The following EEA1 variants were observed in gnomAD, a reference collection of about 807,000 sequenced individuals.
EEA1 encodes the protein early endosome antigen 1, 162kD.
A neutral mutation model predicts 209.2 loss-of-function variants in EEA1; 111 were observed. That is an observed-to-expected ratio of 0.53 (90% CI 0.45 to 0.62). The LOEUF (loss-of-function observed/expected upper bound fraction) is 0.62. Ranked by LOEUF, EEA1 falls within the 20% of genes least tolerant of loss-of-function variation. The pLI is 0.00. For missense variants in EEA1, 1,343 were observed against 1,530.8 expected (o/e 0.88, Z 2.05); for synonymous variants, 536 against 540.6 (o/e 0.99, Z 0.12).
intron 13 of EEA1, among the ~76,000 whole-genome samples, chr12:92,823,353 C>T (rs1216661675): frequency 6.6e-6 from 1 of 152,192 alleles, no homozygotes; most frequent in Non-Finnish European, 1.5e-5. Flanking sequence ...CTAACTTACA[C>T]TTTAAGGTCC....
intron 18 of EEA1, among the ~76,000 whole-genome samples, chr12:92,803,825 T>C (rs946734283): frequency 3.3e-5 from 5 of 152,144 alleles, no homozygotes; most frequent in African/African-American, 1.2e-4. Context: ...CATTTTAATA[T>C]AGTTAAAATC....
At chr12:92,790,988 A>C (rs1485435258) in intron 21 of EEA1, among the ~76,000 whole-genome samples, 1 of 152,206 alleles carries the variant, frequency 6.6e-6, no homozygotes, top group Non-Finnish European at 1.5e-5. Context: ...TAAAGAAAAC[A>C]ATTTTCAACC....
intron 2 of EEA1, among the ~76,000 whole-genome samples, chr12:92,867,926 C>T (rs1047020633): frequency 1.7e-4 from 26 of 151,996 alleles, no homozygotes; most frequent in Admixed American, 8.5e-4. Flanking sequence ...AGGAGTTTAC[C>T]TGGCAGAGAG....
chr12:92,777,777 G>T, intron 26 of EEA1, 114 bp from the exon 27 acceptor site: 1 of 1,276,098 alleles, frequency 7.8e-7, no homozygotes, highest in Non-Finnish European at 1.1e-6. Flanking sequence ...CATTAATTTT[G>T]ACTATCTGAT....
chr12:92,880,898 C>G (rs1263694051), intron 2 of EEA1, among the ~76,000 whole-genome samples: 1 of 152,136 alleles, frequency 6.6e-6, no homozygotes, highest in African/African-American at 2.4e-5. Context: ...TAAGAAGACT[C>G]TGAAAGATAC....
At chr12:92,889,074 C>T (rs1414262788) in intron 2 of EEA1, among the ~76,000 whole-genome samples, 1 of 151,814 alleles carries the variant, frequency 6.6e-6, no homozygotes, top group Non-Finnish European at 1.5e-5. Flanking sequence ...ATCATTTGAT[C>T]CTGGGAGGTG....
intron 1 of EEA1, among the ~76,000 whole-genome samples, chr12:92,906,013 C>T (rs1407527195): frequency 1.3e-5 from 2 of 152,028 alleles, no homozygotes; most frequent in African/African-American, 4.8e-5. Flanking sequence ...CTCAAGCCAT[C>T]CTCCCGCCTC....
Position 92,916,991 on chromosome 12 carries a change from T to C in EEA1, c.24+12052A>G, listed in dbSNP as rs1300187384. On this transcript the variant is annotated intron_variant, in intron 1 of 28. Transcript: ENST00000322349. ...ACGCGATCAACTGGAAGAAAGGGTG[T>C]CAGCAATGGAAGATGAAATGAATGA... 4.0e-5 allele frequency among the ~76,000 whole-genome samples: 6 copies of C among 151,602 alleles called. No individual in the cohort carries two copies. In the East Asian group the frequency reaches 1.2e-3, roughly 29 times the overall value.
chr12:92,788,831 A>G (rs1459898911), intron 21 of EEA1, among the ~76,000 whole-genome samples: 1 of 152,172 alleles, frequency 6.6e-6, no homozygotes. Context: ...ACTTTCTTCA[A>G]CTGGTTTCCA....
intron 21 of EEA1, among the ~76,000 whole-genome samples, chr12:92,789,569 A>G (rs1874302303): frequency 6.6e-6 from 1 of 151,952 alleles, no homozygotes. Flanking sequence ...TGGCTCGGAG[A>G]GGGGGGTCTG....
intron 18 of EEA1, among the ~76,000 whole-genome samples, chr12:92,807,556 C>T (rs1565816236): frequency 6.6e-6 from 1 of 151,908 alleles, no homozygotes; most frequent in Non-Finnish European, 1.5e-5. Flanking sequence ...CTACAAACAA[C>T]AACTAAAACT....
At chr12:92,895,980 T>C (rs537264279) in intron 1 of EEA1, among the ~76,000 whole-genome samples, 50 of 152,132 alleles carry the variant, frequency 3.3e-4, no homozygotes, top group South Asian at 6.2e-4. Context: ...ATTTTCTTTT[T>C]TTTTTTTTTC....
rs943213547 is a variant in EEA1 at position 92,929,276 on chromosome 12, G to A, written c.-210C>T. 4 of 435,484 alleles carry A rather than the reference G, an allele frequency of 9.2e-6. No homozygotes were observed. Among genetic ancestry groups the A allele is most frequent in the South Asian group, 3.9e-5 (1 of 25,948 alleles). 27.0% of individuals were successfully genotyped at this position (435,484 alleles called of 1,614,324 possible). ...GCGAGAGAGAGCGAGCGAACGACTA[G>A]GCAGCCTGCGAGCGCCTCCAGCCCG... On this transcript the variant is annotated 5_prime_UTR_variant, in exon 1 of 29. Coordinates refer to ENST00000322349, the MANE Select transcript of EEA1 (RefSeq NM_003566.4).
chr12:92,787,668 T>C (rs1435739502), intron 22 of EEA1, among the ~76,000 whole-genome samples, 199 bp downstream of exon 22: 1 of 152,126 alleles, frequency 6.6e-6, no homozygotes, highest in Non-Finnish European at 1.5e-5. Flanking sequence ...TATCTTACTA[T>C]TATAAATATG....
At chr12:92,863,412 C>T (rs1878234164) in intron 3 of EEA1, among the ~76,000 whole-genome samples, 1 of 152,180 alleles carries the variant, frequency 6.6e-6, no homozygotes, top group African/African-American at 2.4e-5. Flanking sequence ...AACGAACTAC[C>T]AGCTTTTGAG....
In EEA1 at chr12:92,849,457, T is replaced by C. The variant is rs561236693; in HGVS notation, c.798+1654A>G. On this transcript the variant is annotated intron_variant, in intron 9 of 28. Transcript: ENST00000322349. The stretch of plus-strand genomic sequence containing the variant: ...CACATTTGTACTTATAGATTTATCA[T>C]TGTCTTCTGCTGATTAATAATACCA... Among the ~76,000 whole-genome samples the C allele has an allele frequency of 5.3e-5, 8 of 152,340 alleles. No homozygotes were observed. In the South Asian group the frequency reaches 1.4e-3, roughly 28 times the overall value.
chr12:92,879,228 A>G, intron 2 of EEA1: 1 of 266,214 alleles, frequency 3.8e-6, no homozygotes. Context: ...GTATTTTGGA[A>G]TATTTACATG....
intron 21 of EEA1, among the ~76,000 whole-genome samples, chr12:92,794,878 A>G (rs1282358789): frequency 6.6e-6 from 1 of 150,618 alleles, no homozygotes; most frequent in Admixed American, 6.6e-5. Flanking sequence ...CTTAAATAAA[A>G]GAAAAAAAAA....
At chr12:92,858,725 G>A (rs916655265) in intron 3 of EEA1, 18 of 741,480 alleles carry the variant, frequency 2.4e-5, no homozygotes, top group Admixed American at 1.6e-4. Flanking sequence ...GAAGAGGTTC[G>A]TCTTGGTGAG....
Sources: allele counts gnomAD v4.1 joint callset (sites outside exome capture counted in the v4.1 genomes callset), GRCh38; gene constraint gnomAD v4.1.1; transcripts MANE v1.5; gene names NCBI Gene and HGNC (gene_info 2026-07-23, HGNC 2026-07-21).